The following DDC variants were observed in gnomAD, a reference collection of about 807,000 sequenced individuals.
DDC encodes the protein dopa decarboxylase.
DDC carries 43 observed loss-of-function variants against 60.0 expected under a neutral mutation model. The ratio of observed to expected loss-of-function variants is 0.72; its 90% confidence interval spans 0.56 to 0.92. The LOEUF (loss-of-function observed/expected upper bound fraction) is 0.92. Ranked by LOEUF, DDC falls within the 40% of genes least tolerant of loss-of-function variation. The pLI is 0.00. For synonymous variants in DDC, 232 were observed against 234.6 expected, an observed-to-expected ratio of 0.99 and a Z score of 0.10; for missense variants, 573 against 620.2, an observed-to-expected ratio of 0.92 and a Z score of 0.81.
In DDC at chr7:50,470,099, T is replaced by G; in HGVS notation, c.1114A>C (p.Lys372Gln). 1 of 1,612,962 alleles carries G rather than the reference T, an allele frequency of 6.2e-7. No individual in the cohort carries two copies. ...MWFVFRMYGV[K>Q]GLQAYIRKHV... ...TTGCGGATATAAGCCTGCAGTCCTT[T>G]GACTCCATACATCCTAAATACAAAC... is the stretch of plus-strand genomic sequence containing the variant. Residue 372 changes from lysine (K) to glutamine (Q), a missense_variant, in exon 12 of 15, where the codon AAA (lysine) becomes CAA (glutamine). Transcript: ENST00000444124.
chr7:50,486,738 A>G (rs186989158), intron 9 of DDC, among the ~76,000 whole-genome samples: 39 of 152,320 alleles, frequency 2.6e-4, no homozygotes, highest in Admixed American at 4.6e-4. Context: ...AAGGCAAATA[A>G]AAACCTGACA....
intron 14 of DDC, among the ~76,000 whole-genome samples, chr7:50,460,371 C>T (rs1456852043): frequency 1.4e-5 from 2 of 148,134 alleles, no homozygotes; most frequent in East Asian, 2.0e-4. Flanking sequence ...GGAGGGTCAG[C>T]CCCCCGCCCG....
intron 6 of DDC, among the ~76,000 whole-genome samples, chr7:50,506,549 C>T (rs1405949142): frequency 6.6e-6 from 1 of 152,136 alleles, no homozygotes; most frequent in African/African-American, 2.4e-5. Context: ...TTTAAGAGCT[C>T]TAGGAAACCC....
chr7:50,553,715 G>A (rs1370779307), intron 1 of DDC, among the ~76,000 whole-genome samples: 1 of 151,912 alleles, frequency 6.6e-6, no homozygotes, highest in Non-Finnish European at 1.5e-5. Context: ...TTGAACTCCT[G>A]ACCTCATGAT....
At chr7:50,499,267 G>A (rs748291393) in intron 7 of DDC, 25 bp from the exon 8 acceptor site, 4 of 1,545,810 alleles carry the variant, frequency 2.6e-6, no homozygotes, top group Non-Finnish European at 3.6e-6. Context: ...CAACTTGTGA[G>A]TCCCCAGATG....
In DDC at chr7:50,504,019, T is replaced by C; in HGVS notation, c.755A>G (p.Asp252Gly). ...GATAGGACCGACTTCTAAGAGATTG[T>C]CAAAGGAGCAGCATGTTGTGGTCCC... ...TLGTTTCCSF[D>G]NLLEVGPICN... The change falls in exon 7 of 15, where the codon GAC becomes GGC. Residue 252 changes from aspartate (D) to glycine (G), a missense_variant. Asp to Gly is a moderately conservative substitution (Grantham distance 94, BLOSUM62 -1). Transcript: ENST00000444124. The C allele has an allele frequency of 6.2e-7, 1 of 1,613,978 alleles. No individual in the cohort carries two copies. The highest frequency in any genetic ancestry group is 2.2e-5 in the East Asian group (1 of 44,884).
chr7:50,489,657 C>A (rs1190558370), intron 9 of DDC, among the ~76,000 whole-genome samples: 1 of 152,076 alleles, frequency 6.6e-6, no homozygotes, highest in East Asian at 1.9e-4. Context: ...CCCCTCTAGG[C>A]CCAGGGACTA....
chr7:50,530,840 G>A (rs2044181627), intron 4 of DDC, among the ~76,000 whole-genome samples: 2 of 152,318 alleles, frequency 1.3e-5, no homozygotes, highest in Non-Finnish European at 1.5e-5. Context: ...TTTTTACAGA[G>A]AAATATATAA....
intron 9 of DDC, among the ~76,000 whole-genome samples, chr7:50,488,300 C>T (rs2042928681): frequency 6.6e-6 from 1 of 151,598 alleles, no homozygotes; most frequent in Non-Finnish European, 1.5e-5. Context: ...AAATGTTTTT[C>T]TGAAAAACAA....
intron 1 of DDC, among the ~76,000 whole-genome samples, chr7:50,553,484 C>CTTTTTTTTTTTTTTTTTTTTTTTTTGTTT (rs5884158): frequency 1.1e-5 from 1 of 90,938 alleles, no homozygotes; most frequent in Admixed American, 1.4e-4. Flanking sequence ...TCTTTCTTTT[C>CTTTTTTTTTTTTTTTTTTTTTTTTTGTTT]TTTTTTTTTT....
intron 6 of DDC, among the ~76,000 whole-genome samples, chr7:50,510,168 G>A (rs2043511231): frequency 6.6e-6 from 1 of 151,840 alleles, no homozygotes; most frequent in Non-Finnish European, 1.5e-5. Flanking sequence ...GTAGAGAAGG[G>A]GTTTCACCGT....
intron 4 of DDC, among the ~76,000 whole-genome samples, chr7:50,534,801 G>C (rs11771860): frequency 0.95 from 144,082 of 152,302 alleles, 68,281 homozygotes; most frequent in Non-Finnish European, 0.98. Context: ...CCACTGGGTC[G>C]CTGAGTGCTG....
chr7:50,458,682 T>C lies in DDC; in HGVS notation c.*180A>G, dbSNP rs2042176736. On this transcript the variant is annotated 3_prime_UTR_variant, in exon 15 of 15. Transcript: ENST00000444124. The stretch of plus-strand genomic sequence containing the variant: ...TAACTTTTTAATTAGCAAATAATAT[T>C]TCTTTGTTGATGAGATACTAAGCAG... The C allele has an allele frequency of 6.6e-6, 1 of 152,176 alleles. No homozygotes were observed. The highest frequency in any genetic ancestry group is 2.4e-5 in the African/African-American group (1 of 41,450). The allele number at this position is 152,176 out of a possible 1,614,324, so 9.4% of individuals were successfully genotyped here. A position where few individuals can be genotyped will look rare whatever the true frequency, so the allele number is the denominator to read the frequency against.
intron 9 of DDC, 28 bp downstream of exon 9, chr7:50,495,322 A>G (rs775312409): frequency 6.3e-7 from 1 of 1,575,410 alleles, no homozygotes; most frequent in Non-Finnish European, 8.7e-7. Flanking sequence ...CGGACAGGCA[A>G]CTGACATCTG....
chr7:50,557,784 G>C (rs1261048563), intron 1 of DDC, among the ~76,000 whole-genome samples: 3 of 152,168 alleles, frequency 2.0e-5, no homozygotes, highest in Non-Finnish European at 4.4e-5. Flanking sequence ...CAGTGGAATT[G>C]AGACATGTGA....
chr7:50,461,508 T>G (rs770513593), intron 14 of DDC, among the ~76,000 whole-genome samples: 1 of 152,230 alleles, frequency 6.6e-6, no homozygotes, highest in Non-Finnish European at 1.5e-5. Flanking sequence ...CCAGAGGAAC[T>G]GAGACTCCTA....
At chr7:50,543,802 C>A in intron 2 of DDC, 83 bp downstream of exon 2, 1 of 1,354,712 alleles carries the variant, frequency 7.4e-7, no homozygotes, top group African/African-American at 1.4e-5. Context: ...TTCCTTGAAA[C>A]AAAGTATGTG....
chr7:50,467,401 A>G, intron 12 of DDC, 86 bp from the exon 13 acceptor site: 1 of 1,109,094 alleles, frequency 9.0e-7, no homozygotes, highest in Non-Finnish European at 1.4e-6. Flanking sequence ...TAGACTGCCC[A>G]TGTATAATTC....
intron 13 of DDC, among the ~76,000 whole-genome samples, chr7:50,464,497 A>G (rs565373546): frequency 6.6e-6 from 1 of 152,220 alleles, no homozygotes; most frequent in Non-Finnish European, 1.5e-5. Flanking sequence ...AAAAGAAATT[A>G]TCATACCAAG....
Sources: gnomAD v4.1 joint callset for allele counts (sites outside exome capture counted in the v4.1 genomes callset) on GRCh38, gnomAD v4.1.1 for gene constraint, MANE v1.5 for transcripts, NCBI Gene and HGNC (gene_info 2026-07-23, HGNC 2026-07-21) for gene names.